Variants in ASB4 observed in about 807,000 individuals in gnomAD.
ASB4 encodes ankyrin repeat and SOCS box protein 4.
Under a neutral mutation model 38.6 loss-of-function variants are expected in ASB4, and 35 were observed. The observed-to-expected ratio is 0.91, with a 90% confidence interval of 0.69 to 1.20. ASB4 has a LOEUF of 1.20. Among genes scored for constraint, ASB4 ranks in the 50% most tolerant of loss-of-function variants. The probability of loss-of-function intolerance (pLI) is 0.00; values close to 1 mark genes in which losing one functional copy is unlikely to be tolerated. For missense variants in ASB4, 557 were observed against 527.2 expected, an observed-to-expected ratio of 1.06 and a Z score of -0.55; for synonymous variants, 195 against 201.3, an observed-to-expected ratio of 0.97 and a Z score of 0.26.
At chr7:95,494,626 C>T (rs1790218939) in intron 1 of ASB4, among the ~76,000 whole-genome samples, 1 of 152,152 alleles carries the variant, frequency 6.6e-6, no homozygotes, top group South Asian at 2.1e-4. Context: ...TCTTCTTGCC[C>T]TCAGTATTTT....
intron 2 of ASB4, among the ~76,000 whole-genome samples, chr7:95,508,660 T>C (rs1300600190): frequency 6.6e-6 from 1 of 152,122 alleles, no homozygotes; most frequent in African/African-American, 2.4e-5. Flanking sequence ...AGACAGCAGA[T>C]AATTGGGCTC....
rs757471123 is a variant in ASB4 at position 95,528,154 on chromosome 7, G to A, written c.829G>A (p.Glu277Lys). ...LMHMMLEAGAEANLMDINGCA... is the reference protein window; with the variant it reads ...LMHMMLEAGAKANLMDINGCA... ...GCACATGATGCTGGAAGCTGGCGCC[G>A]AAGCCAATCTCATGGATATCAACGG... The change falls in exon 3 of 5, where the codon GAA becomes AAA. Residue 277 changes from glutamate (E) to lysine (K), a missense_variant. Glu to Lys is a moderately conservative substitution (Grantham distance 56, BLOSUM62 1). Transcript: ENST00000325885. The A allele has an allele frequency of 5.0e-6, 8 of 1,614,044 alleles. No homozygotes were observed. The highest frequency in any genetic ancestry group is 6.8e-6 in the Non-Finnish European group (8 of 1,180,040).
At chr7:95,516,924 T>C (rs1790591921) in intron 2 of ASB4, among the ~76,000 whole-genome samples, 1 of 152,216 alleles carries the variant, frequency 6.6e-6, no homozygotes, top group African/African-American at 2.4e-5. Flanking sequence ...ACTTTCAGCT[T>C]GGTATCTCTA....
chr7:95,476,550 A>C (rs534145359), upstream of ASB4, among the ~76,000 whole-genome samples: 1 of 152,242 alleles, frequency 6.6e-6, no homozygotes, highest in Non-Finnish European at 1.5e-5. Flanking sequence ...AGAAAAGACC[A>C]GGGCTGGGAA....
intron 2 of ASB4, among the ~76,000 whole-genome samples, chr7:95,496,638 G>C (rs1401727961): frequency 6.6e-6 from 1 of 152,154 alleles, no homozygotes; most frequent in African/African-American, 2.4e-5. Flanking sequence ...CTTGAGCCCA[G>C]GAGTTCGAGA....
intron 1 of ASB4, among the ~76,000 whole-genome samples, chr7:95,495,126 C>T (rs1351019370): frequency 2.0e-5 from 3 of 152,028 alleles, no homozygotes; most frequent in East Asian, 1.9e-4. Context: ...TTTTCTAAAT[C>T]GTTTAAAAAA....
At chr7:95,549,151 A>G in the ASB4 span, among the ~76,000 whole-genome samples, 4 of 152,054 alleles carry the variant, frequency 2.6e-5, no homozygotes, top group Non-Finnish European at 4.4e-5. Context: ...CACTTAGGAG[A>G]GAGTTACGGG....
At chr7:95,532,118 A>G (rs1401331044) in intron 3 of ASB4, among the ~76,000 whole-genome samples, 1 of 152,194 alleles carries the variant, frequency 6.6e-6, no homozygotes, top group African/African-American at 2.4e-5. Context: ...ATTTAGAACA[A>G]CTACTCCACA....
At chr7:95,490,567 A>G (rs528023633) in intron 1 of ASB4, among the ~76,000 whole-genome samples, 69 of 152,340 alleles carry the variant, frequency 4.5e-4, no homozygotes, top group African/African-American at 1.6e-3. Flanking sequence ...GGCTGTAATA[A>G]CAGAGGCTTC....
At chr7:95,542,248 TAC>T (rs936533810), downstream of ASB4, 12 of 152,198 alleles carry the variant, frequency 7.9e-5, no homozygotes, top group African/African-American at 2.9e-4. Context: ...GGATAAAAAC[TAC>T]ACAGTTTTTT....
chr7:95,532,622 A>G (rs1790834710), intron 3 of ASB4, among the ~76,000 whole-genome samples: 1 of 152,204 alleles, frequency 6.6e-6, no homozygotes, highest in Admixed American at 6.5e-5. Context: ...ATATCAATAT[A>G]AAAGAGTGGA....
intron 3 of ASB4, among the ~76,000 whole-genome samples, chr7:95,529,382 T>C (rs1790788887): frequency 6.6e-6 from 1 of 152,270 alleles, no homozygotes; most frequent in South Asian, 2.1e-4. Context: ...GATGTTTTTC[T>C]GAATTCACAG....
At chr7:95,515,304 T>TCTTCCTTC in intron 2 of ASB4, among the ~76,000 whole-genome samples, 1 of 125,732 alleles carries the variant, frequency 8.0e-6, no homozygotes, top group South Asian at 2.8e-4. Context: ...TTTCTTTCTT[T>TCTTCCTTC]CTTTCTTTCT....
intron 2 of ASB4, among the ~76,000 whole-genome samples, chr7:95,499,233 T>G (rs1325061806): frequency 6.6e-6 from 1 of 152,184 alleles, no homozygotes; most frequent in African/African-American, 2.4e-5. Context: ...GCCTATAGAT[T>G]GTATTTGAAG....
chr7:95,504,153 C>A (rs539450237), intron 2 of ASB4, among the ~76,000 whole-genome samples: 1 of 152,018 alleles, frequency 6.6e-6, no homozygotes, highest in Non-Finnish European at 1.5e-5. Context: ...CTATTCCATT[C>A]GTAAGAGGAA....
chr7:95,473,930 C>T (rs562189029), upstream of ASB4: 29 of 152,330 alleles, frequency 1.9e-4, no homozygotes, highest in Non-Finnish European at 3.7e-4. Context: ...AACCGGATGG[C>T]TTTGGGGACA....
intron 2 of ASB4, among the ~76,000 whole-genome samples, chr7:95,498,410 T>A (rs1790282697): frequency 1.3e-5 from 2 of 152,354 alleles, no homozygotes; most frequent in South Asian, 4.1e-4. Flanking sequence ...TGTAATGGTA[T>A]CTCATTGTTT....
chr7:95,515,285 CTT>C (rs1208345772), intron 2 of ASB4, among the ~76,000 whole-genome samples: 15 of 109,900 alleles, frequency 1.4e-4, no homozygotes, highest in African/African-American at 4.6e-4. Flanking sequence ...TTCTTTCTTT[CTT>C]TCTTTCTTTC....
At chr7:95,506,885 T>C (rs1433795266) in intron 2 of ASB4, among the ~76,000 whole-genome samples, 1 of 152,068 alleles carries the variant, frequency 6.6e-6, no homozygotes. Context: ...GAATTACTAT[T>C]ATTTGGATAT....
Sources: allele counts gnomAD v4.1 joint callset (sites outside exome capture counted in the v4.1 genomes callset), GRCh38; gene constraint gnomAD v4.1.1; transcripts MANE v1.5; gene names NCBI Gene and HGNC (gene_info 2026-07-23, HGNC 2026-07-21).